GRIA4: variants seen among roughly 807,000 people sequenced by gnomAD.
The protein encoded by GRIA4 is glutamate receptor 4.
A neutral mutation model predicts 104.0 loss-of-function variants in GRIA4; 34 were observed. The ratio of observed to expected loss-of-function variants is 0.33; its 90% CI spans 0.25 to 0.44. The LOEUF is 0.44. GRIA4 is among the 20% of genes least tolerant of loss of function. The pLI, the probability that GRIA4 is intolerant of heterozygous loss-of-function variation, is 1.00. For synonymous variants in GRIA4, 386 were observed against 381.9 expected, an observed-to-expected ratio of 1.01 and a Z score of -0.13; for missense variants, 750 against 1,096.5, an observed-to-expected ratio of 0.68 and a Z score of 4.46.
At chr11:105,911,446 T>G (rs940443450) in intron 10 of GRIA4, among the ~76,000 whole-genome samples, 1 of 151,906 alleles carries the variant, frequency 6.6e-6, no homozygotes, top group Non-Finnish European at 1.5e-5. Context: ...GCAAAACATA[T>G]TTTAAATCTT....
At chr11:105,660,240 A>G (rs1001529348) in intron 3 of GRIA4, among the ~76,000 whole-genome samples, 1 of 151,774 alleles carries the variant, frequency 6.6e-6, no homozygotes, top group Non-Finnish European at 1.5e-5. Flanking sequence ...AAACACTGAT[A>G]ATAAAATTAG....
intron 3 of GRIA4, among the ~76,000 whole-genome samples, chr11:105,701,062 C>T (rs1426183899): frequency 1.3e-5 from 2 of 152,108 alleles, no homozygotes; most frequent in Admixed American, 1.3e-4. Flanking sequence ...CTTGGTGAAA[C>T]CTCTCTCCAA....
At chr11:105,825,013 T>C (rs1383593374) in intron 4 of GRIA4, among the ~76,000 whole-genome samples, 1 of 152,064 alleles carries the variant, frequency 6.6e-6, no homozygotes, top group African/African-American at 2.4e-5. Flanking sequence ...AGTGAACGAC[T>C]CAGACACTTC....
chr11:105,687,416 G>T (rs1427552181), intron 3 of GRIA4, among the ~76,000 whole-genome samples: 1 of 152,148 alleles, frequency 6.6e-6, no homozygotes, highest in Admixed American at 6.5e-5. Flanking sequence ...TATATAGAAG[G>T]CAGAAAGTAA....
chr11:105,846,206 A>T (rs1944587978), intron 4 of GRIA4, among the ~76,000 whole-genome samples: 1 of 152,228 alleles, frequency 6.6e-6, no homozygotes, highest in Non-Finnish European at 1.5e-5. Context: ...TTCTGTGTCA[A>T]TAATTCTAAA....
At position 105,979,605 on chromosome 11, in the gene GRIA4, G is replaced by C; in HGVS notation, c.2575G>C (p.Ala859Pro). 6.2e-7 allele frequency: 1 copy of C among 1,614,158 alleles called. No individual in the cohort carries two copies. The highest frequency in any genetic ancestry group is 8.5e-7 in the Non-Finnish European group (1 of 1,180,000). ...CTTTTCTGAAGCCATAAGAAACAAA[G>C]CCAGATTATCCATCACTGGGAGTGT... ...LTFSEAIRNKARLSITGSVGE... is the reference protein window; with the variant it reads ...LTFSEAIRNKPRLSITGSVGE... Residue 859 changes from alanine to proline, a missense_variant, in exon 17 of 17, where the codon GCC (alanine) becomes CCC (proline). Ala to Pro is a conservative substitution (Grantham distance 27, BLOSUM62 -1). Coordinates refer to ENST00000282499, the MANE Select transcript of GRIA4 (RefSeq NM_000829.4).
intron 4 of GRIA4, among the ~76,000 whole-genome samples, chr11:105,848,243 G>C (rs1944666122): frequency 6.6e-6 from 1 of 152,140 alleles, no homozygotes; most frequent in Non-Finnish European, 1.5e-5. Flanking sequence ...AGGGACAGCA[G>C]GCAGCACTTT....
At chr11:105,660,761 T>C (rs722295) in intron 3 of GRIA4, among the ~76,000 whole-genome samples, 71,754 of 151,106 alleles carry the variant, frequency 0.47, 17,626 homozygotes, top group Admixed American at 0.59. Flanking sequence ...AAAAAGAATG[T>C]CCATGAAAAA....
rs1299256765 is a variant in GRIA4 at position 105,866,551 on chromosome 11, G to GTGTGTGTGTATA, written c.672+4344_672+4345insGTGTGTGTATAT. ...TATACGCATATGTGTGTGTGTGTGT[G>GTGTGTGTGTATA]TATATATATATATATATATATATAT... On this transcript the variant is annotated intron_variant, in intron 5 of 16. Transcript: ENST00000282499. Among the ~76,000 whole-genome samples, 79 of 76,710 alleles carry GTGTGTGTGTATA rather than the reference G, an allele frequency of 1.0e-3. 1 individual carries two copies. The highest frequency in any genetic ancestry group is 5.2e-3 in the African/African-American group (79 of 15,332). 50.3% of individuals were successfully genotyped at this position (76,710 alleles called of 152,430 possible).
At chr11:105,791,360 G>C (rs998010462) in intron 4 of GRIA4, among the ~76,000 whole-genome samples, 1 of 152,094 alleles carries the variant, frequency 6.6e-6, no homozygotes, top group Non-Finnish European at 1.5e-5. Context: ...TATTTTGTTG[G>C]TTGGTCTCAA....
At chr11:105,920,315 AT>A (rs904182648) in intron 11 of GRIA4, among the ~76,000 whole-genome samples, 3 of 152,182 alleles carry the variant, frequency 2.0e-5, no homozygotes, top group African/African-American at 7.2e-5. Context: ...TTTCTAAAGC[AT>A]TTGTTCTTTG....
intron 4 of GRIA4, among the ~76,000 whole-genome samples, chr11:105,787,030 CA>C (rs1382374835): frequency 6.6e-6 from 1 of 152,142 alleles, no homozygotes; most frequent in Non-Finnish European, 1.5e-5. Context: ...TCTTAGTGTA[CA>C]TTTTAAACTT....
chr11:105,838,143 AATAAAG>A (rs1261855666), intron 4 of GRIA4, among the ~76,000 whole-genome samples: 1 of 152,212 alleles, frequency 6.6e-6, no homozygotes, highest in African/African-American at 2.4e-5. Flanking sequence ...ATTATTTTCT[AATAAAG>A]ATAAAGTCAC....
At chr11:105,754,379 T>C in intron 4 of GRIA4, among the ~76,000 whole-genome samples, 1 of 152,190 alleles carries the variant, frequency 6.6e-6, no homozygotes, top group Non-Finnish European at 1.5e-5. Context: ...TTGGAACATA[T>C]TAAAATAATT....
chr11:105,960,868 G>C (rs934134225), intron 14 of GRIA4, among the ~76,000 whole-genome samples: 6 of 152,194 alleles, frequency 3.9e-5, no homozygotes, highest in African/African-American at 1.4e-4. Context: ...GCTGTGGAGA[G>C]GAGGTTCCCC....
At chr11:105,787,749 AG>A (rs1348610235) in intron 4 of GRIA4, among the ~76,000 whole-genome samples, 1 of 152,164 alleles carries the variant, frequency 6.6e-6, no homozygotes, top group Non-Finnish European at 1.5e-5. Flanking sequence ...GAGCTGATGA[AG>A]ATGGGGGGAA....
chr11:105,878,721 A>AATGGC (rs1945931841), intron 5 of GRIA4, among the ~76,000 whole-genome samples: 1 of 152,104 alleles, frequency 6.6e-6, no homozygotes, highest in African/African-American at 2.4e-5. Flanking sequence ...AATGTGGGGT[A>AATGGC]ATGGCAGAGG....
intron 9 of GRIA4, among the ~76,000 whole-genome samples, chr11:105,907,660 C>T (rs1947090320): frequency 6.6e-6 from 1 of 152,186 alleles, no homozygotes; most frequent in South Asian, 2.1e-4. Flanking sequence ...AGAGGGAATG[C>T]TCCAGAGCTG....
In GRIA4 at chr11:105,981,412, G is replaced by C. The variant is rs925429835; in HGVS notation, c.*1673G>C. 12 of 152,602 alleles carry C rather than the reference G, an allele frequency of 7.9e-5. No homozygotes were observed. Among genetic ancestry groups the C allele is most frequent in the African/African-American group, 2.9e-4 (12 of 41,426 alleles). The allele number at this position is 152,602 out of a possible 1,614,324, so 9.5% of individuals were successfully genotyped here. ...CTCATTTAAGGAATGAATGCCATTAGATGGGCTACTGAGAGTACAGGGATA... is the reference window on the plus strand; with the variant it reads ...CTCATTTAAGGAATGAATGCCATTACATGGGCTACTGAGAGTACAGGGATA... On this transcript the variant is annotated 3_prime_UTR_variant, in exon 17 of 17. Coordinates refer to ENST00000282499, the MANE Select transcript of GRIA4 (RefSeq NM_000829.4).
Sources: gnomAD v4.1 joint callset for allele counts (sites outside exome capture counted in the v4.1 genomes callset) on GRCh38, gnomAD v4.1.1 for gene constraint, MANE v1.5 for transcripts, NCBI Gene and HGNC (gene_info 2026-07-23, HGNC 2026-07-21) for gene names.